Variants in ST6GALNAC5 observed in about 807,000 individuals in gnomAD.
The protein encoded by ST6GALNAC5 is ST6 N-acetylgalactosaminide alpha-2,6-sialyltransferase 5.
ST6GALNAC5 carries 27 observed loss-of-function variants against 33.6 expected under a neutral mutation model. The ratio of observed to expected loss-of-function variants is 0.80; its 90% CI spans 0.59 to 1.11. ST6GALNAC5 has a LOEUF of 1.11. ST6GALNAC5 is among the 50% of genes least tolerant of loss of function. The pLI is 0.00. For synonymous variants in ST6GALNAC5, 194 were observed against 171.2 expected (o/e 1.13, Z -1.04); for missense variants, 428 against 454.0 (o/e 0.94, Z 0.52).
intron 2 of ST6GALNAC5, among the ~76,000 whole-genome samples, chr1:76,962,280 G>A (rs775220627): frequency 5.4e-4 from 82 of 152,140 alleles, no homozygotes; most frequent in Non-Finnish European, 3.8e-4. Context: ...TAGTCATATC[G>A]CTGCCATAAG....
chr1:76,885,978 G>A (rs981044889), intron 2 of ST6GALNAC5, among the ~76,000 whole-genome samples: 2 of 152,210 alleles, frequency 1.3e-5, no homozygotes, highest in Non-Finnish European at 2.9e-5. Flanking sequence ...GACACTGTTA[G>A]AGGTGATCGC....
chr1:76,920,035 AG>A (rs1274701521), intron 2 of ST6GALNAC5, among the ~76,000 whole-genome samples: 4 of 152,238 alleles, frequency 2.6e-5, no homozygotes, highest in Non-Finnish European at 4.4e-5. Context: ...TAAGGCAGTG[AG>A]AAATGATGTC....
intron 4 of ST6GALNAC5, among the ~76,000 whole-genome samples, chr1:77,052,343 T>G (rs1340805090): frequency 6.6e-6 from 1 of 152,236 alleles, no homozygotes; most frequent in Non-Finnish European, 1.5e-5. Flanking sequence ...TCTATTCATC[T>G]GCATTTCCAG....
intron 2 of ST6GALNAC5, among the ~76,000 whole-genome samples, chr1:77,018,699 C>T (rs1235006203): frequency 1.3e-5 from 2 of 152,126 alleles, no homozygotes; most frequent in Non-Finnish European, 2.9e-5. Context: ...CTCAGTTTTC[C>T]GACCTGTCAT....
intron 2 of ST6GALNAC5, among the ~76,000 whole-genome samples, chr1:76,947,749 A>G (rs1647578530): frequency 6.6e-6 from 1 of 152,104 alleles, no homozygotes; most frequent in African/African-American, 2.4e-5. Flanking sequence ...TTGTCTCATA[A>G]AAGGAAAAAT....
chr1:76,989,614 T>C (rs1004874093), intron 2 of ST6GALNAC5, among the ~76,000 whole-genome samples: 1 of 152,186 alleles, frequency 6.6e-6, no homozygotes, highest in Non-Finnish European at 1.5e-5. Context: ...TCTGTATTTA[T>C]AAGGGCTTTC....
chr1:76,943,581 A>C (rs1308112731), intron 2 of ST6GALNAC5, among the ~76,000 whole-genome samples: 1 of 152,070 alleles, frequency 6.6e-6, no homozygotes, highest in Non-Finnish European at 1.5e-5. Flanking sequence ...TCTCCAAACA[A>C]GCCTCCCATC....
intron 2 of ST6GALNAC5, among the ~76,000 whole-genome samples, chr1:77,016,896 G>A (rs1650871517): frequency 6.6e-6 from 1 of 152,038 alleles, no homozygotes; most frequent in Non-Finnish European, 1.5e-5. Context: ...CTAATTATTT[G>A]AGAAATGATG....
intron 2 of ST6GALNAC5, among the ~76,000 whole-genome samples, chr1:76,909,362 A>C (rs1434843903): frequency 6.6e-6 from 1 of 151,638 alleles, no homozygotes; most frequent in African/African-American, 2.4e-5. Flanking sequence ...CATCTGTAAA[A>C]ATGGGGATTC....
At chr1:76,951,814 T>A (rs1317352620) in intron 2 of ST6GALNAC5, among the ~76,000 whole-genome samples, 1 of 152,136 alleles carries the variant, frequency 6.6e-6, no homozygotes, top group African/African-American at 2.4e-5. Context: ...TTTTATTGAT[T>A]TTTGCCAAAT....
At chr1:77,056,940 G>A (rs1652418484) in intron 4 of ST6GALNAC5, among the ~76,000 whole-genome samples, 2 of 152,158 alleles carry the variant, frequency 1.3e-5, no homozygotes, top group African/African-American at 4.8e-5. Flanking sequence ...GGGTGGCTCA[G>A]GGCACCTCCA....
chr1:76,949,437 C>T (rs1053085477), intron 2 of ST6GALNAC5, among the ~76,000 whole-genome samples: 1 of 152,126 alleles, frequency 6.6e-6, no homozygotes, highest in Non-Finnish European at 1.5e-5. Flanking sequence ...GGAGTGGAAG[C>T]TGTAAACCAG....
At chr1:77,017,272 G>A (rs1650886389) in intron 2 of ST6GALNAC5, among the ~76,000 whole-genome samples, 2 of 152,050 alleles carry the variant, frequency 1.3e-5, no homozygotes, top group South Asian at 4.1e-4. Flanking sequence ...GCATCGGAAT[G>A]TCAATGAAGT....
chr1:76,992,051 C>T lies in ST6GALNAC5; in HGVS notation c.262-52153C>T, dbSNP rs150488207. ...GGAAATCAACAATTTCTATACTCTA[C>T]GTAGGGGTCAGCTTCCCAAACCCAT... On this transcript the variant is annotated intron_variant, in intron 2 of 4. Coordinates refer to ENST00000477717, the MANE Select transcript of ST6GALNAC5 (RefSeq NM_030965.3). Among the ~76,000 whole-genome samples the T allele has an allele frequency of 4.2e-3, 635 of 152,146 alleles. 7 individuals are homozygous for T. The highest frequency in any genetic ancestry group is 0.014 in the African/African-American group (573 of 41,516).
intron 2 of ST6GALNAC5, among the ~76,000 whole-genome samples, chr1:76,936,552 C>G (rs1647205177): frequency 6.6e-6 from 1 of 152,022 alleles, no homozygotes; most frequent in South Asian, 2.1e-4. Context: ...GCCAGTTTCA[C>G]AGAAGGACAT....
chr1:76,921,774 T>A (rs1474124477), intron 2 of ST6GALNAC5, among the ~76,000 whole-genome samples: 1 of 152,142 alleles, frequency 6.6e-6, no homozygotes, highest in East Asian at 1.9e-4. Context: ...GTATCTCAAC[T>A]GACACAGAAA....
intron 2 of ST6GALNAC5, among the ~76,000 whole-genome samples, chr1:76,915,473 G>T (rs1646961486): frequency 6.6e-6 from 1 of 152,148 alleles, no homozygotes; most frequent in Non-Finnish European, 1.5e-5. Context: ...ACTGGATTAA[G>T]AAAATCTGGC....
At chr1:77,011,350 T>C in intron 2 of ST6GALNAC5, among the ~76,000 whole-genome samples, 1 of 152,240 alleles carries the variant, frequency 6.6e-6, no homozygotes. Context: ...AAAAATGTGA[T>C]TGCTGAAGGC....
chr1:76,868,174 A>T lies in ST6GALNAC5; in HGVS notation c.16-323A>T, dbSNP rs112911367. Among the ~76,000 whole-genome samples the T allele has an allele frequency of 0.025, 3,741 of 152,118 alleles. 153 individuals carry two copies. Among genetic ancestry groups the T allele is most frequent in the African/African-American group, 0.086 (3,560 of 41,504 alleles). ...AGCTTGGCTGGGGTGGCTGCGCCAGACGGGCCCTTCCCCAAAGTGCAAACC... is the reference window on the plus strand; with the variant it reads ...AGCTTGGCTGGGGTGGCTGCGCCAGTCGGGCCCTTCCCCAAAGTGCAAACC... On this transcript the variant is annotated intron_variant, in intron 1 of 4. Transcript: ENST00000477717. The surrounding 1 kb of genome is among the most constrained non-coding windows in gnomAD (Gnocchi z 4.3).
Sources: allele counts gnomAD v4.1 joint callset (sites outside exome capture counted in the v4.1 genomes callset), GRCh38; gene constraint gnomAD v4.1.1; non-coding constraint Gnocchi (gnomAD v3.1); transcripts MANE v1.5; gene names NCBI Gene and HGNC (gene_info 2026-07-23, HGNC 2026-07-21).